Variants in ZNF474 observed in about 807,000 individuals in gnomAD.
ZNF474 encodes 4933409D10Rik.
For missense variants in ZNF474, 511 were observed against 433.8 expected, an observed-to-expected ratio of 1.18 and a Z score of -1.58; for synonymous variants, 192 against 162.2, an observed-to-expected ratio of 1.18 and a Z score of -1.39.
chr5:122,144,678 T>C (rs940586574), intron 1 of ZNF474, among the ~76,000 whole-genome samples: 3 of 152,236 alleles, frequency 2.0e-5, no homozygotes. Flanking sequence ...GCTATCCTGT[T>C]GGAAGAAAAT....
chr5:122,140,513 C>T (rs979493398), intron 1 of ZNF474, among the ~76,000 whole-genome samples: 37 of 152,032 alleles, frequency 2.4e-4, no homozygotes, highest in Non-Finnish European at 1.5e-4. Context: ...GTCATCAAAC[C>T]TAAAAAATTA....
intron 1 of ZNF474, among the ~76,000 whole-genome samples, chr5:122,130,358 AG>A (rs1311232302): frequency 6.6e-6 from 1 of 152,160 alleles, no homozygotes. Context: ...TTCCCTCCAC[AG>A]GGGGCCACTG....
intron 1 of ZNF474, among the ~76,000 whole-genome samples, chr5:122,140,918 T>G (rs1361925760): frequency 6.6e-6 from 1 of 152,090 alleles, no homozygotes; most frequent in East Asian, 1.9e-4. Context: ...GCATACAGAA[T>G]GGGTATGAGC....
chr5:122,152,412 C>A lies in ZNF474; in HGVS notation c.422C>A (p.Ser141Tyr). 2 of 1,614,204 alleles carry A rather than the reference C, an allele frequency of 1.2e-6. No individual in the cohort carries two copies. Among genetic ancestry groups the A allele is most frequent in the South Asian group, 2.2e-5 (2 of 91,076 alleles). Residue 141 changes from serine (S) to tyrosine (Y), a missense_variant, in exon 2 of 2, where the codon TCT (serine) becomes TAT (tyrosine). Physicochemically the swap from Ser to Tyr is moderately radical, Grantham distance 144. Coordinates refer to ENST00000296600, the MANE Select transcript of ZNF474 (RefSeq NM_207317.3). Reference protein sequence around the residue: ...LRRPEPSKPQSLSSSGSYSLQ... With the variant: ...LRRPEPSKPQYLSSSGSYSLQ... The stretch of plus-strand genomic sequence containing the variant: ...AGGCCAGAACCCTCCAAACCACAGT[C>A]TCTCAGCAGCAGTGGGTCCTACAGT...
intron 1 of ZNF474, among the ~76,000 whole-genome samples, chr5:122,150,087 C>G (rs1171751761): frequency 6.6e-6 from 1 of 152,106 alleles, no homozygotes; most frequent in Non-Finnish European, 1.5e-5. Context: ...AAATGATAAA[C>G]TAAAATTCCT....
rs1367930920 is a variant in ZNF474 at position 122,152,207 on chromosome 5, A to G, written c.217A>G (p.Ser73Gly). Reference sequence around the variant, plus strand: ...GACTGTGATACTATCAAAACTGTCAAGTAGAAGAATTATATCGGAAAGCCA... The same window carrying G: ...GACTGTGATACTATCAAAACTGTCAGGTAGAAGAATTATATCGGAAAGCCA... ...PGTVILSKLS[S>G]RRIISESQLS... Residue 73 changes from serine (S) to glycine (G), a missense_variant, in exon 2 of 2, where the codon AGT (serine) becomes GGT (glycine). Physicochemically the swap from Ser to Gly is moderately conservative, Grantham distance 56 (BLOSUM62 0). Coordinates refer to ENST00000296600, the MANE Select transcript of ZNF474 (RefSeq NM_207317.3). 6.2e-7 allele frequency: 1 copy of G among 1,614,172 alleles called. No individual in the cohort carries two copies. The highest frequency in any genetic ancestry group is 8.5e-7 in the Non-Finnish European group (1 of 1,180,040).
At chr5:122,151,555 G>T (rs1001062403) in intron 1 of ZNF474, among the ~76,000 whole-genome samples, 1 of 152,084 alleles carries the variant, frequency 6.6e-6, no homozygotes, top group East Asian at 1.9e-4. Flanking sequence ...TACAGTGATA[G>T]TGCAATTGAT....
intron 1 of ZNF474, among the ~76,000 whole-genome samples, chr5:122,143,365 A>T (rs1467808016): frequency 6.6e-6 from 1 of 152,194 alleles, no homozygotes; most frequent in African/African-American, 2.4e-5. Flanking sequence ...CAACTAAATC[A>T]AGAGTATAAA....
Position 122,152,170 on chromosome 5 carries a change from A to G in ZNF474, c.180A>G (p.Lys60=). 1.2e-6 allele frequency: 2 copies of G among 1,614,180 alleles called. No homozygotes were observed. Among genetic ancestry groups the G allele is most frequent in the Non-Finnish European group, 1.7e-6 (2 of 1,180,038 alleles). Reference sequence around the variant, plus strand: ...AAAATATAAAGACAGACACTCAGAAAAAGAGACCTGGGACTGTGATACTAT... The same window carrying G: ...AAAATATAAAGACAGACACTCAGAAGAAGAGACCTGGGACTGTGATACTAT... ...PGENIKTDTQ[K]KRPGTVILSK... Residue 60 remains lysine (K), a synonymous_variant, in exon 2 of 2, where the codon AAA becomes AAG. Coordinates refer to ENST00000296600, the MANE Select transcript of ZNF474 (RefSeq NM_207317.3).
At chr5:122,142,353 T>A (rs1159344046) in intron 1 of ZNF474, among the ~76,000 whole-genome samples, 1 of 152,244 alleles carries the variant, frequency 6.6e-6, no homozygotes, top group Non-Finnish European at 1.5e-5. Context: ...CAATCTTATG[T>A]GTGACTTAAA....
chr5:122,152,643 G>A lies in ZNF474; in HGVS notation c.653G>A (p.Arg218Gln), dbSNP rs758436284. The A allele has an allele frequency of 3.5e-5, 56 of 1,614,034 alleles. No homozygotes were observed. Among genetic ancestry groups the A allele is most frequent in the Admixed American group, 3.3e-5 (2 of 60,000 alleles). ...LKKACSGTPA[R>Q]PRTVICYICG... The stretch of plus-strand genomic sequence containing the variant: ...AAAGCTTGTAGTGGAACCCCAGCCC[G>A]ACCAAGGACTGTTATCTGCTACATA... The change falls in exon 2 of 2, where the codon CGA becomes CAA. Residue 218 changes from arginine (R) to glutamine (Q), a missense_variant. Physicochemically the swap from Arg to Gln is conservative, Grantham distance 43. Coordinates refer to ENST00000296600, the MANE Select transcript of ZNF474 (RefSeq NM_207317.3).
chr5:122,136,179 G>C (rs1243057831), intron 1 of ZNF474, among the ~76,000 whole-genome samples: 1 of 152,162 alleles, frequency 6.6e-6, no homozygotes, highest in East Asian at 1.9e-4. Flanking sequence ...ATAAATGCTT[G>C]AGGAGGTAGA....
At chr5:122,144,992 T>C (rs538262142) in intron 1 of ZNF474, among the ~76,000 whole-genome samples, 1 of 152,324 alleles carries the variant, frequency 6.6e-6, no homozygotes, top group African/African-American at 2.4e-5. Flanking sequence ...TTATAAGCCT[T>C]AACAACATAA....
chr5:122,138,183 A>G (rs1182382284), intron 1 of ZNF474, among the ~76,000 whole-genome samples: 1 of 152,242 alleles, frequency 6.6e-6, no homozygotes, highest in Non-Finnish European at 1.5e-5. Flanking sequence ...AGGAAAATAT[A>G]AGAAGATGAT....
rs540386207 is a variant in ZNF474 at position 122,132,901 on chromosome 5, A to G, written c.-213+3218A>G. ...TAATAAGCCAACTTATATTATTTGA[A>G]TACCTGAAGCAAGTATTCAGAATAA... On this transcript the variant is annotated intron_variant, in intron 1 of 1. Transcript: ENST00000296600. 3.3e-5 allele frequency among the ~76,000 whole-genome samples: 5 copies of G among 152,268 alleles called. No homozygotes were observed. In the South Asian group the frequency reaches 1.0e-3, roughly 32 times the overall value.
At chr5:122,135,998 A>ATGGGAAATGAATAAATAGGGGT in intron 1 of ZNF474, among the ~76,000 whole-genome samples, 2 of 152,118 alleles carry the variant, frequency 1.3e-5, no homozygotes, top group East Asian at 3.9e-4. Context: ...GGGAAGGGTA[A>ATGGGAAATGAATAAATAGGGGT]TGGGAAATGA....
chr5:122,150,046 A>G (rs765366623), intron 1 of ZNF474, among the ~76,000 whole-genome samples: 4 of 152,148 alleles, frequency 2.6e-5, no homozygotes, highest in Non-Finnish European at 4.4e-5. Context: ...CTTAAGTCAT[A>G]TTAGTGTCTG....
At chr5:122,134,454 A>G (rs960924622) in intron 1 of ZNF474, among the ~76,000 whole-genome samples, 1 of 152,244 alleles carries the variant, frequency 6.6e-6, no homozygotes, top group African/African-American at 2.4e-5. Context: ...AAATGGTCTA[A>G]CAGAAGGGTT....
chr5:122,141,441 C>T (rs1580602775), intron 1 of ZNF474, among the ~76,000 whole-genome samples: 1 of 151,040 alleles, frequency 6.6e-6, no homozygotes, highest in African/African-American at 2.4e-5. Flanking sequence ...CCCAAGTAGC[C>T]GGGACTACAG....
Sources: allele counts gnomAD v4.1 joint callset (sites outside exome capture counted in the v4.1 genomes callset), GRCh38; gene constraint gnomAD v4.1.1; transcripts MANE v1.5; gene names NCBI Gene and HGNC (gene_info 2026-07-23, HGNC 2026-07-21).